Variants in KMT2D observed in about 807,000 individuals in gnomAD.
KMT2D encodes the protein lysine methyltransferase 2D.
A neutral mutation model predicts 512.7 loss-of-function variants in KMT2D; 55 were observed. That is an observed-to-expected ratio of 0.11 (90% CI 0.09 to 0.13). KMT2D has a LOEUF of 0.13. Among genes scored for constraint, KMT2D ranks in the 10% least tolerant of loss-of-function variants. The pLI is 1.00. For synonymous variants in KMT2D, 2,995 were observed against 2,904.0 expected, an observed-to-expected ratio of 1.03 and a Z score of -1.01; for missense variants, 6,061 against 7,127.9, an observed-to-expected ratio of 0.85 and a Z score of 5.39.
In KMT2D at chr12:49,041,875, CCT is replaced by C; in HGVS notation, c.6183+40_6183+41del. 1 of 1,563,522 alleles carries C rather than the reference CCT, an allele frequency of 6.4e-7. No individual in the cohort carries two copies. Among genetic ancestry groups the C allele is most frequent in the Non-Finnish European group, 8.7e-7 (1 of 1,148,972 alleles). On this transcript the variant is annotated intron_variant, in intron 30 of 54. Coordinates refer to ENST00000301067, the MANE Select transcript of KMT2D (RefSeq NM_003482.4). The surrounding 1 kb of genome is among the most constrained non-coding windows in gnomAD (Gnocchi z 5.4). ...TAAATTACCCAAAGATCCCTCCCTC[CCT>C]CTCAGTTCCCACGCTAATCCATGCT... is the stretch of plus-strand genomic sequence containing the variant.
rs375595514 is a variant in KMT2D, at chr12:49,041,607, G to C, written c.6234+48C>G. ...GCCCCATGGCCCTCCACCCTCAAGA[G>C]AGGCCACCCACTAGAGGACTGCTAC... On this transcript the variant is annotated intron_variant, in intron 31 of 54. Coordinates refer to ENST00000301067, the MANE Select transcript of KMT2D (RefSeq NM_003482.4). The surrounding 1 kb of genome is among the most constrained non-coding windows in gnomAD (Gnocchi z 5.4). 1.2e-6 allele frequency: 2 copies of C among 1,613,082 alleles called. No homozygotes were observed. The highest frequency in any genetic ancestry group is 1.7e-6 in the Non-Finnish European group (2 of 1,179,400).
rs563212339 is a variant in KMT2D, at chr12:49,052,333, G to A, written c.1350C>T (p.Ser450=). The A allele has an allele frequency of 6.4e-7, 1 of 1,566,306 alleles. No homozygotes were observed. The highest frequency in any genetic ancestry group is 1.2e-5 in the South Asian group (1 of 82,278). ...LLPPPEESPL[S]PPPEESPTSP... Reference sequence around the variant, plus strand: ...ACGTGGGTGATTCCTCAGGTGGTGGGGACAGGGGTGACTCCTCAGGTGGGG... The same window carrying A: ...ACGTGGGTGATTCCTCAGGTGGTGGAGACAGGGGTGACTCCTCAGGTGGGG... The change falls in exon 11 of 55, where the codon TCC becomes TCT. Residue 450 remains serine (S), a synonymous_variant. Transcript: ENST00000301067.
rs1404607956 is a variant in KMT2D at position 49,039,506 on chromosome 12, A to G, written c.8158T>C (p.Trp2720Arg). 1 of 1,611,588 alleles carries G rather than the reference A, an allele frequency of 6.2e-7. No homozygotes were observed. The highest frequency in any genetic ancestry group is 8.5e-7 in the Non-Finnish European group (1 of 1,179,002). The change falls in exon 33 of 55, where the codon TGG (tryptophan) becomes CGG (arginine). Residue 2720 changes from tryptophan to arginine, a missense_variant. Trp to Arg is a moderately radical substitution (Grantham distance 101). Coordinates refer to ENST00000301067, the MANE Select transcript of KMT2D (RefSeq NM_003482.4). The surrounding 1 kb of genome is among the most constrained non-coding windows in gnomAD (Gnocchi z 5.0). ...AAGAVGPPGSWGAEPSSPAFE... is the reference protein window; with the variant it reads ...AAGAVGPPGSRGAEPSSPAFE... Reference sequence around the variant, plus strand: ...GCAGGGCTGCTGGGCTCAGCACCCCAGCTGCCTGGAGGCCCCACTGCTCCT... The same window carrying G: ...GCAGGGCTGCTGGGCTCAGCACCCCGGCTGCCTGGAGGCCCCACTGCTCCT...
In KMT2D at chr12:49,045,983, C is replaced by T. The variant is rs1943765414; in HGVS notation, c.4694-16G>A. 1 of 1,613,940 alleles carries T rather than the reference C, an allele frequency of 6.2e-7. No homozygotes were observed. Among genetic ancestry groups the T allele is most frequent in the African/African-American group, 1.3e-5 (1 of 75,036 alleles). ...GCAACAGGCGCTATGGAGAGAAGGA[C>T]AAACGGAGGTGGCTGAGGTCCTGTC... On this transcript the variant is annotated splice_polypyrimidine_tract_variant and intron_variant, in intron 18 of 54. Transcript: ENST00000301067.
chr12:49,032,945 T>C lies in KMT2D; in HGVS notation c.11760A>G (p.Leu3920=), dbSNP rs1190054745. 6 of 1,550,322 alleles carry C rather than the reference T, an allele frequency of 3.9e-6. No individual in the cohort carries two copies. The highest frequency in any genetic ancestry group is 3.6e-5 in the South Asian group (3 of 84,002). ...QQLQQQQQQQ[L]QQQQQLQQQQ... ...GCTGCTGAAGTTGCTGTTGCTGTTG[T>C]AGCTGCTGCTGCTGCTGCTGCTGAA... The change falls in exon 40 of 55, where the codon CTA becomes CTG. Residue 3920 remains leucine, a synonymous_variant. Transcript: ENST00000301067.
chr12:49,040,906 C>A lies in KMT2D; in HGVS notation c.6864G>T (p.Lys2288Asn), dbSNP rs747315516. 3 of 1,613,890 alleles carry A rather than the reference C, an allele frequency of 1.9e-6. No homozygotes were observed. The highest frequency in any genetic ancestry group is 2.2e-5 in the East Asian group (1 of 44,872). ...FGESRKALEV[K>N]KEELGASSPS... is the part of the protein sequence containing the mutation. ...GAGAGGATGCCCCAAGCTCTTCCTT[C>A]TTCACCTCTAGGGCCTTCCGGGACT... The change falls in exon 32 of 55, where the codon AAG becomes AAT. Residue 2288 changes from lysine to asparagine, a missense_variant. Physicochemically the swap from Lys to Asn is moderately conservative, Grantham distance 94 (BLOSUM62 0). Around this residue, in one of 16 missense-constraint regions of KMT2D, gnomAD observed 710 missense variants for 647.3 expected, o/e 1.10. Coordinates refer to ENST00000301067, the MANE Select transcript of KMT2D (RefSeq NM_003482.4).
Position 49,031,682 on chromosome 12 carries a change from T to G in KMT2D, c.13023A>C (p.Pro4341=). The change falls in exon 40 of 55, where the codon CCA becomes CCC. Residue 4341 remains proline (P), a synonymous_variant. Transcript: ENST00000301067. ...TTGGCCCCTGAGGTTTGGGGGTCCC[T>G]GGATGGGTGGGAGGGAGCTGGGCCT... ...PTEAQLPPTH[P]GTPKPQGPTL... is the part of the protein sequence containing the mutation. 1 of 1,611,174 alleles carries G rather than the reference T, an allele frequency of 6.2e-7. No homozygotes were observed. The highest frequency in any genetic ancestry group is 1.1e-5 in the South Asian group (1 of 90,458).
In KMT2D at chr12:49,038,766, G is replaced by T. The variant is rs932349758; in HGVS notation, c.8590C>A (p.Pro2864Thr). The change falls in exon 35 of 55, where the codon CCT becomes ACT. Residue 2864 changes from proline to threonine, a missense_variant. Physicochemically the swap from Pro to Thr is conservative, Grantham distance 38. Around this residue, in one of 16 missense-constraint regions of KMT2D, gnomAD observed 527 missense variants for 578.9 expected, o/e 0.91. Transcript: ENST00000301067. This position sits in a 1 kb window ranked among gnomAD's most constrained non-coding sequence, Gnocchi z 5.7. ...LAGISTRLPG[P>T]GEPVPGPAGP... is the part of the protein sequence containing the mutation. The stretch of plus-strand genomic sequence containing the variant: ...GCTGGACCAGGCACTGGCTCACCAG[G>T]GCCTGGCAGACGGGTGGAAATTCCC... 1 of 1,602,468 alleles carries T rather than the reference G, an allele frequency of 6.2e-7. No individual in the cohort carries two copies. The highest frequency in any genetic ancestry group is 8.5e-7 in the Non-Finnish European group (1 of 1,174,586).
Position 49,029,445 on chromosome 12 carries a change from C to T in KMT2D, c.14031G>A (p.Leu4677=), listed in dbSNP as rs774057114. Residue 4677 remains leucine, a synonymous_variant, in exon 44 of 55, where the codon CTG becomes CTA. Transcript: ENST00000301067. The part of the protein sequence containing the change: ...DTSEVKSLDL[L]AALPTPPHNQ... ...TGTGAGGGGGTGTAGGCAAGGCAGC[C>T]AGCAGGTCTAGACTCTTCACCTCTG... 8 of 1,557,196 alleles carry T rather than the reference C, an allele frequency of 5.1e-6. No individual in the cohort carries two copies. In the African/African-American group the frequency reaches 1.1e-4, roughly 21 times the overall value.
rs1943138732 is a variant in KMT2D, at chr12:49,034,856, T to C, written c.10311A>G (p.Lys3437=). ...CCCCAATGCTGCCCTGAGCCATCAC[T>C]TTCTTGATGCCTTTCAAAGCCACCA... The part of the protein sequence containing the change: ...AKMVALKGIK[K]VMAQGSIGVA... The change falls in exon 36 of 55, where the codon AAA becomes AAG. Residue 3437 remains lysine, a synonymous_variant. Transcript: ENST00000301067. 1 of 1,614,034 alleles carries C rather than the reference T, an allele frequency of 6.2e-7. No homozygotes were observed. The highest frequency in any genetic ancestry group is 2.2e-5 in the East Asian group (1 of 44,888).
In KMT2D at chr12:49,060,766, G is replaced by A. The variant is rs950064364; in HGVS notation, c.-1191C>T. Among the ~76,000 whole-genome samples, 3 of 152,230 alleles carry A rather than the reference G, an allele frequency of 2.0e-5. No homozygotes were observed. Among genetic ancestry groups the A allele is most frequent in the African/African-American group, 7.2e-5 (3 of 41,464 alleles). On this transcript the variant is annotated 5_prime_UTR_variant, in exon 1 of 55. Transcript: ENST00000301067. ...GAGAGGGGGAGAAAGGAGAAGAGGC[G>A]GCCCTATTTTGTGTTGGAGCGGAGC...
rs587778457 is a variant in KMT2D, at chr12:49,044,259, G to A, written c.5129C>T (p.Thr1710Met). Residue 1710 changes from threonine to methionine, a missense_variant, in exon 22 of 55, where the codon ACG (threonine) becomes ATG (methionine). Physicochemically the swap from Thr to Met is moderately conservative, Grantham distance 81. Transcript: ENST00000301067. This position sits in a 1 kb window ranked among gnomAD's most constrained non-coding sequence, Gnocchi z 6.4. ...MVRQRKSHTR[T>M]KKGPAAQAEV... is the part of the protein sequence containing the mutation. ...CGCCTGTGCAGCAGGCCCCTTTTTC[G>A]TGCGTGTGTGGGATTTCCGCTGTCG... 52 of 1,612,866 alleles carry A rather than the reference G, an allele frequency of 3.2e-5. No individual in the cohort carries two copies. In the African/African-American group the frequency reaches 4.4e-4, roughly 14 times the overall value.
At position 49,038,388 on chromosome 12, in the gene KMT2D, C is replaced by A; in HGVS notation, c.8968G>T (p.Asp2990Tyr). 1 of 1,613,896 alleles carries A rather than the reference C, an allele frequency of 6.2e-7. No homozygotes were observed. Among genetic ancestry groups the A allele is most frequent in the Non-Finnish European group, 8.5e-7 (1 of 1,179,856 alleles). ...TCAAAATCGTCATCCAGCTCGGGAT[C>A]CTCACAGGGCAACTTCCCAGCTTCC... ...ALEAGKLPCEDPELDDDFDAH... is the reference protein window; with the variant it reads ...ALEAGKLPCEYPELDDDFDAH... Residue 2990 changes from aspartate (D) to tyrosine (Y), a missense_variant, in exon 35 of 55, where the codon GAT (aspartate) becomes TAT (tyrosine). Transcript: ENST00000301067. This position sits in a 1 kb window ranked among gnomAD's most constrained non-coding sequence, Gnocchi z 5.7.
chr12:49,028,067 G>A lies in KMT2D; in HGVS notation c.14457C>T (p.Phe4819=), dbSNP rs1280697331. 1.9e-6 allele frequency: 3 copies of A among 1,613,964 alleles called. No homozygotes were observed. In the Admixed American group the frequency reaches 5.0e-5, roughly 27 times the overall value. ...MKIPNSYEVL[F]PESPARAGTE... ...TGCCTGCCCGGGCGGGGCTCTCTGG[G>A]AACAGCACCTCATAGGAGTTGGGGA... Residue 4819 remains phenylalanine (F), a synonymous_variant, in exon 47 of 55, where the codon TTC becomes TTT. Transcript: ENST00000301067.
rs1938084425 is a variant in KMT2D at position 49,052,018 on chromosome 12, G to A, written c.1665C>T (p.Ser555=). 6.2e-7 allele frequency: 1 copy of A among 1,612,558 alleles called. No homozygotes were observed. Among genetic ancestry groups the A allele is most frequent in the Non-Finnish European group, 8.5e-7 (1 of 1,179,470 alleles). Residue 555 remains serine, a synonymous_variant, in exon 11 of 55, where the codon TCC becomes TCT. Transcript: ENST00000301067. ...LSPPFEESPL[S]PPPEELPTSP... ...AAGTGGGCAATTCCTCAGGTGGCGG[G>A]GACAAAGGAGATTCTTCAAATGGTG...
chr12:49,027,941 G>T lies in KMT2D; in HGVS notation c.14516-11C>A. Reference sequence around the variant, plus strand: ...CCTTTTCCTTCCCACCTGCAGAAAGGAGTGGATCAGAGCCTCCCACCAGAA... The same window carrying T: ...CCTTTTCCTTCCCACCTGCAGAAAGTAGTGGATCAGAGCCTCCCACCAGAA... On this transcript the variant is annotated splice_polypyrimidine_tract_variant and intron_variant, in intron 47 of 54. Coordinates refer to ENST00000301067, the MANE Select transcript of KMT2D (RefSeq NM_003482.4). The T allele has an allele frequency of 6.2e-7, 1 of 1,613,914 alleles. No homozygotes were observed. Among genetic ancestry groups the T allele is most frequent in the Non-Finnish European group, 8.5e-7 (1 of 1,179,838 alleles).
chr12:49,027,762 C>CT (rs781665674), intron 48 of KMT2D, 41 bp downstream of exon 48: 1 of 1,552,044 alleles, frequency 6.4e-7, no homozygotes, highest in Non-Finnish European at 8.7e-7. Flanking sequence ...CCGGCAGCCC[C>CT]TTTTTTCTAA....
At chr12:49,047,406 CTTTTTTTT>C (rs57252968) in intron 15 of KMT2D, among the ~76,000 whole-genome samples, 11 of 93,906 alleles carry the variant, frequency 1.2e-4, no homozygotes, top group African/African-American at 3.2e-4. Flanking sequence ...CCAGTTTTTC[CTTTTTTTT>C]TTTTTTTTTT....
chr12:49,021,901 C>G, intron 54 of KMT2D, 29 bp from the exon 55 acceptor site: 2 of 1,597,636 alleles, frequency 1.3e-6, no homozygotes, highest in Non-Finnish European at 1.7e-6. Flanking sequence ...AGAATCAATG[C>G]TAGTCCCCCA....
Sources: allele counts gnomAD v4.1 joint callset (sites outside exome capture counted in the v4.1 genomes callset), GRCh38; gene constraint gnomAD v4.1.1; regional missense constraint gnomAD v4.1.1; non-coding constraint Gnocchi (gnomAD v3.1); transcripts MANE v1.5; gene names NCBI Gene and HGNC (gene_info 2026-07-23, HGNC 2026-07-21).